The following COL18A1 variants were observed in gnomAD, a reference collection of about 807,000 sequenced individuals.
COL18A1 encodes collagen type XVIII alpha 1 chain.
A neutral mutation model predicts 168.0 loss-of-function variants in COL18A1; 133 were observed. The ratio of observed to expected loss-of-function variants is 0.79; its 90% CI spans 0.69 to 0.91. The LOEUF (loss-of-function observed/expected upper bound fraction) is 0.91, where lower values mean the gene tolerates loss of function less well. Among genes scored for constraint, COL18A1 ranks in the 40% least tolerant of loss-of-function variants. The pLI, the probability that COL18A1 is intolerant of heterozygous loss-of-function variation, is 0.00. For missense variants in COL18A1, 2,126 were observed against 1,925.4 expected (o/e 1.10, Z -1.95); for synonymous variants, 949 against 809.0 (o/e 1.17, Z -2.94).
chr21:45,512,302 G>A lies in COL18A1; in HGVS notation c.3924G>A (p.Leu1308=), dbSNP rs1236085614. The A allele has an allele frequency of 1.2e-6, 2 of 1,612,362 alleles. No individual in the cohort carries two copies. ...APSATGQASS[L]LGGRLLGQSA... is the part of the protein sequence containing the mutation. ...CGGCCACGGGCCAGGCCTCCTCGCT[G>A]CTGGGGGGCAGGCTCCTGGGGCAGA... is the stretch of plus-strand genomic sequence containing the variant. Residue 1308 remains leucine, a synonymous_variant, in exon 42 of 42, where the codon CTG becomes CTA. Coordinates refer to ENST00000651438, the MANE Select transcript of COL18A1 (RefSeq NM_001379500.1).
intron 37 of COL18A1, 123 bp from the exon 38 acceptor site, chr21:45,507,438 G>A: frequency 1.1e-6 from 1 of 891,372 alleles, no homozygotes. Context: ...TGGGCAGGGA[G>A]GGCACCCTCC....
rs183660218 is a variant in COL18A1, at chr21:45,492,631, C to T, written c.2188-56C>T. The stretch of plus-strand genomic sequence containing the variant: ...CCTGGGTACAAGGCTGGGTGGGGTC[C>T]GGGCAGGCGCGAGGGTGCGTGATGA... On this transcript the variant is annotated intron_variant, in intron 23 of 41. Coordinates refer to ENST00000651438, the MANE Select transcript of COL18A1 (RefSeq NM_001379500.1). 10,779 of 1,610,574 alleles carry T rather than the reference C, an allele frequency of 6.7e-3. 66 individuals are homozygous for T. The highest frequency in any genetic ancestry group is 0.028 in the Middle Eastern group (171 of 6,046).
intron 2 of COL18A1, 125 bp from the exon 3 acceptor site, chr21:45,468,117 C>A: frequency 2.0e-6 from 2 of 1,021,554 alleles, no homozygotes; most frequent in Non-Finnish European, 1.4e-6. Flanking sequence ...CTGCCAGGCA[C>A]GTGGAGAGCC....
intron 2 of COL18A1, among the ~76,000 whole-genome samples, chr21:45,447,891 A>G (rs1415695039): frequency 1.3e-5 from 2 of 152,118 alleles, no homozygotes; most frequent in Non-Finnish European, 2.9e-5. Context: ...TGCTCCACCC[A>G]TTGGCCCCCC....
rs1318811371 is a variant in COL18A1 at position 45,492,516 on chromosome 21, T to A, written c.2158-19T>A. ...AACGCGGCTCTTTGTTTCCGATTTT[T>A]CCTTTTGCTCGTGGACAGGGATCCG... On this transcript the variant is annotated intron_variant, in intron 22 of 41. Coordinates refer to ENST00000651438, the MANE Select transcript of COL18A1 (RefSeq NM_001379500.1). The A allele has an allele frequency of 3.1e-6, 5 of 1,613,504 alleles. No individual in the cohort carries two copies. The highest frequency in any genetic ancestry group is 4.2e-6 in the Non-Finnish European group (5 of 1,179,988).
intron 2 of COL18A1, among the ~76,000 whole-genome samples, chr21:45,409,322 A>G (rs1409531442): frequency 6.6e-6 from 1 of 152,190 alleles, no homozygotes; most frequent in East Asian, 1.9e-4. Context: ...GAATCCTGGG[A>G]AACTAAAATG....
chr21:45,495,451 G>A lies in COL18A1; in HGVS notation c.2508+19G>A. 1 of 1,592,608 alleles carries A rather than the reference G, an allele frequency of 6.3e-7. No individual in the cohort carries two copies. The highest frequency in any genetic ancestry group is 1.3e-5 in the African/African-American group (1 of 74,606). The stretch of plus-strand genomic sequence containing the variant: ...CATGAGGGTGAGTGTCTCTCAAGGG[G>A]CGGACTGGGTGGCTGGGAGACCAGG... On this transcript the variant is annotated intron_variant, in intron 29 of 41. Transcript: ENST00000651438.
At chr21:45,437,526 AGACACACAGG>A (rs1458731863) in intron 2 of COL18A1, among the ~76,000 whole-genome samples, 1 of 12,628 alleles carries the variant, frequency 7.9e-5, no homozygotes, top group Non-Finnish European at 1.6e-4. Flanking sequence ...ACACACACTC[AGACACACAGG>A]CACTCTCCTG....
In COL18A1 at chr21:45,473,921, C is replaced by A; in HGVS notation, c.678C>A (p.Arg226=). 6.2e-7 allele frequency: 1 copy of A among 1,605,318 alleles called. No individual in the cohort carries two copies. Residue 226 remains arginine (R), a synonymous_variant, in exon 4 of 42, where the codon CGC becomes CGA. Transcript: ENST00000651438. The surrounding 1 kb of genome is among the most constrained non-coding windows in gnomAD (Gnocchi z 4.0). ...GGGTGATCGCTGAGCTGAAGGTGCG[C>A]AGGGACCCCCAGGTGAGCCCCATGC... ...FQGVIAELKV[R]RDPQVSPMHC... is the part of the protein sequence containing the mutation.
In COL18A1 at chr21:45,435,864, T is replaced by A. The variant is rs116485231; in HGVS notation, c.106+30391T>A. Among the ~76,000 whole-genome samples the A allele has an allele frequency of 2.8e-3, 420 of 152,208 alleles. 3 individuals are homozygous for A. Among genetic ancestry groups the A allele is most frequent in the African/African-American group, 9.8e-3 (407 of 41,506 alleles). On this transcript the variant is annotated intron_variant, in intron 2 of 41. Coordinates refer to ENST00000651438, the MANE Select transcript of COL18A1 (RefSeq NM_001379500.1). ...TCGTGGGTCTGTCAATTGGGACACC[T>A]ATGAACAAATGCTCTTCCCATCAGT...
At chr21:45,485,745 G>C (rs1034366106) in intron 15 of COL18A1, among the ~76,000 whole-genome samples, 15 of 152,204 alleles carry the variant, frequency 9.9e-5, no homozygotes, top group African/African-American at 2.7e-4. Flanking sequence ...GGCGGGGAAA[G>C]CTCTGGCTTG....
At chr21:45,458,785 C>T (rs1054369989) in intron 2 of COL18A1, among the ~76,000 whole-genome samples, 2 of 152,162 alleles carry the variant, frequency 1.3e-5, no homozygotes, top group Non-Finnish European at 2.9e-5. Context: ...AAACGCCAGG[C>T]CTGCACACCT....
chr21:45,495,547 C>T, intron 29 of COL18A1, 115 bp downstream of exon 29: 1 of 844,094 alleles, frequency 1.2e-6, no homozygotes, highest in Non-Finnish European at 2.0e-6. Context: ...AGCAGCCCTG[C>T]CATGTGGCCA....
At chr21:45,466,479 T>C (rs1200659143) in intron 2 of COL18A1, among the ~76,000 whole-genome samples, 1 of 150,860 alleles carries the variant, frequency 6.6e-6, no homozygotes, top group Non-Finnish European at 1.5e-5. Context: ...CCGGGAAGGC[T>C]GAGCTCTCGC....
intron 2 of COL18A1, among the ~76,000 whole-genome samples, chr21:45,410,385 G>A (rs2033253470): frequency 6.6e-6 from 1 of 151,812 alleles, no homozygotes; most frequent in Non-Finnish European, 1.5e-5. Flanking sequence ...TTGCGAGTGG[G>A]CACACGCTGG....
Position 45,504,641 on chromosome 21 carries a change from A to T in COL18A1, c.2868+85A>T, listed in dbSNP as rs566042219. The T allele has an allele frequency of 6.9e-5, 86 of 1,242,192 alleles. No homozygotes were observed. In the South Asian group the frequency reaches 1.1e-3, roughly 16 times the overall value. The allele number at this position is 1,242,192 out of a possible 1,614,324, so 76.9% of individuals were successfully genotyped here. ...GGGCAGGTCCAGCCCGGCCTTCGACACCCGCGAAGGCCGGAGCTGCCCCTG... is the reference window on the plus strand; with the variant it reads ...GGGCAGGTCCAGCCCGGCCTTCGACTCCCGCGAAGGCCGGAGCTGCCCCTG... On this transcript the variant is annotated intron_variant, in intron 34 of 41. Transcript: ENST00000651438.
At chr21:45,488,166 C>G (rs4818782) in intron 17 of COL18A1, among the ~76,000 whole-genome samples, 1 of 152,268 alleles carries the variant, frequency 6.6e-6, no homozygotes, top group Admixed American at 6.5e-5. Context: ...CTCAGAGACT[C>G]AGCCTGTTGA....
intron 2 of COL18A1, among the ~76,000 whole-genome samples, chr21:45,466,090 GA>G (rs1182856864): frequency 1.3e-5 from 2 of 152,196 alleles, no homozygotes; most frequent in Non-Finnish European, 2.9e-5. Context: ...GAGGGTCCTG[GA>G]AAGTCCGGCT....
rs757737003 is a variant in COL18A1 at position 45,510,041 on chromosome 21, G to A, written c.3496-23G>A. ...CAGGGGGCAGCGTGGGACACAGCCCGTGACGCGCCCCTCTCCCCGCAGCTC... is the reference window on the plus strand; with the variant it reads ...CAGGGGGCAGCGTGGGACACAGCCCATGACGCGCCCCTCTCCCCGCAGCTC... On this transcript the variant is annotated intron_variant, in intron 39 of 41. Coordinates refer to ENST00000651438, the MANE Select transcript of COL18A1 (RefSeq NM_001379500.1). The A allele has an allele frequency of 7.9e-5, 121 of 1,541,388 alleles. No homozygotes were observed. In the South Asian group the frequency reaches 1.0e-3, roughly 13 times the overall value.
Sources: allele counts gnomAD v4.1 joint callset (sites outside exome capture counted in the v4.1 genomes callset), GRCh38; gene constraint gnomAD v4.1.1; non-coding constraint Gnocchi (gnomAD v3.1); transcripts MANE v1.5; gene names NCBI Gene and HGNC (gene_info 2026-07-23, HGNC 2026-07-21).